ATP2C2: variants seen among roughly 807,000 people sequenced by gnomAD.
ATP2C2 encodes ATPase secretory pathway Ca2+ transporting 2.
In ATP2C2, 171 loss-of-function variants were observed where a neutral mutation model predicts 110.8. The ratio of observed to expected loss-of-function variants is 1.54; its 90% CI spans 1.36 to 1.75. ATP2C2 has a LOEUF of 1.75. Ranked by LOEUF, ATP2C2 falls within the 40% of genes most tolerant of loss-of-function variation. The probability of loss-of-function intolerance (pLI) is 0.00; values close to 1 mark genes in which losing one functional copy is unlikely to be tolerated. For missense variants in ATP2C2, 1,963 were observed against 1,235.0 expected (o/e 1.59, Z -8.84); for synonymous variants, 804 against 508.4 (o/e 1.58, Z -7.82).
At position 84,368,590 on chromosome 16, in the gene ATP2C2, G is replaced by C; in HGVS notation, c.-26G>C. ...CGGGCCTCGCCGGGGACCTAGGGAC[G>C]CAGGCAACGCCTGCGCCCGCTCACC... On this transcript the variant is annotated 5_prime_UTR_variant, in exon 1 of 27. Transcript: ENST00000262429. 6.6e-7 allele frequency: 1 copy of C among 1,523,102 alleles called. No homozygotes were observed. The highest frequency in any genetic ancestry group is 8.9e-7 in the Non-Finnish European group (1 of 1,127,020). 94.3% of individuals were successfully genotyped at this position (1,523,102 alleles called of 1,614,324 possible).
At chr16:84,462,303 G>T (rs1250905065) in intron 26 of ATP2C2, 174 bp downstream of exon 26, 2 of 809,148 alleles carry the variant, frequency 2.5e-6, no homozygotes, top group Non-Finnish European at 3.8e-6. Flanking sequence ...TCTAACGTGG[G>T]TGATGTGACG....
At position 84,397,655 on chromosome 16, in the gene ATP2C2, C is replaced by CAAAAAAAAAAAAAAAAAAAAAAAA. The variant is rs58934576; in HGVS notation, c.100-826_100-825insAAAAAAAAAAAAAAAAAAAAAAAA. Among the ~76,000 whole-genome samples the CAAAAAAAAAAAAAAAAAAAAAAAA allele has an allele frequency of 5.6e-3, 354 of 63,482 alleles. 58 individuals are homozygous for CAAAAAAAAAAAAAAAAAAAAAAAA. Among genetic ancestry groups the CAAAAAAAAAAAAAAAAAAAAAAAA allele is most frequent in the Non-Finnish European group, 8.9e-3 (253 of 28,354 alleles). 41.6% of individuals were successfully genotyped at this position (63,482 alleles called of 152,430 possible). A position where few individuals can be genotyped will look rare whatever the true frequency, so the allele number is the denominator to read the frequency against. On this transcript the variant is annotated intron_variant, in intron 1 of 26. Coordinates refer to ENST00000262429, the MANE Select transcript of ATP2C2 (RefSeq NM_014861.4). ...CACCACTGCACTCCAGCCTGGGTGA[C>CAAAAAAAAAAAAAAAAAAAAAAAA]AAAAAAAAAAAAAAAAAACTTGCTT...
intron 15 of ATP2C2, among the ~76,000 whole-genome samples, chr16:84,442,899 G>A (rs914427762): frequency 6.6e-6 from 1 of 152,140 alleles, no homozygotes; most frequent in Admixed American, 6.5e-5. Flanking sequence ...ACAGTGGAAC[G>A]AGACTCCCTA....
chr16:84,462,361 G>T, intron 26 of ATP2C2: 1 of 520,048 alleles, frequency 1.9e-6, no homozygotes, highest in Non-Finnish European at 3.3e-6. Context: ...AGAGTAGTAG[G>T]GTCTGGGGCC....
At chr16:84,445,421 G>C (rs563965858) in intron 15 of ATP2C2, among the ~76,000 whole-genome samples, 1 of 151,986 alleles carries the variant, frequency 6.6e-6, no homozygotes, top group South Asian at 2.1e-4. Context: ...TGTTAGTCAG[G>C]ATGGTCTTGA....
intron 1 of ATP2C2, among the ~76,000 whole-genome samples, chr16:84,383,014 G>C (rs1343781866): frequency 6.6e-6 from 1 of 151,972 alleles, no homozygotes; most frequent in Non-Finnish European, 1.5e-5. Flanking sequence ...AGAGTCTACA[G>C]CTGGAGACAG....
intron 10 of ATP2C2, among the ~76,000 whole-genome samples, chr16:84,424,478 A>C (rs1907620449): frequency 2.0e-5 from 3 of 150,826 alleles, no homozygotes; most frequent in African/African-American, 4.9e-5. Context: ...GGGTTTTGTC[A>C]TGTTGGCCAG....
intron 1 of ATP2C2, among the ~76,000 whole-genome samples, chr16:84,395,480 A>G (rs186974789): frequency 6.9e-6 from 1 of 145,150 alleles, no homozygotes; most frequent in Non-Finnish European, 1.5e-5. Flanking sequence ...TTTTTTTGAG[A>G]CAGAGTCTCA....
intron 6 of ATP2C2, among the ~76,000 whole-genome samples, chr16:84,411,552 C>G (rs1906292201): frequency 6.6e-6 from 1 of 152,284 alleles, no homozygotes; most frequent in East Asian, 1.9e-4. Context: ...AGCAGTTCTC[C>G]TGCCTCAGCC....
intron 2 of ATP2C2, among the ~76,000 whole-genome samples, chr16:84,402,826 C>G (rs184855577): frequency 6.6e-6 from 1 of 152,236 alleles, no homozygotes; most frequent in East Asian, 1.9e-4. Flanking sequence ...GTATTCCCTA[C>G]TCATCTGTTT....
intron 1 of ATP2C2, among the ~76,000 whole-genome samples, chr16:84,375,921 G>A (rs2151395245): frequency 6.6e-6 from 1 of 152,176 alleles, no homozygotes; most frequent in South Asian, 2.1e-4. Flanking sequence ...AAGGATTGTG[G>A]GTTTTTAGGT....
chr16:84,410,133 CG>C (rs936945949), intron 4 of ATP2C2, among the ~76,000 whole-genome samples: 1 of 152,080 alleles, frequency 6.6e-6, no homozygotes, highest in Non-Finnish European at 1.5e-5. Context: ...CGCTTGAAAC[CG>C]GGAGGCGGAG....
intron 1 of ATP2C2, among the ~76,000 whole-genome samples, chr16:84,385,134 G>T (rs934272637): frequency 6.6e-5 from 10 of 152,280 alleles, no homozygotes; most frequent in Admixed American, 3.9e-4. Flanking sequence ...GGTTCTGCAG[G>T]CTGTACAGGA....
At position 84,451,987 on chromosome 16, in the gene ATP2C2, A is replaced by AC. The variant is rs771595842; in HGVS notation, c.1733dup (p.Arg579GlufsTer132). On this transcript the variant is annotated frameshift_variant, in exon 18 of 27. Transcript: ENST00000262429. LOFTEE classifies it high-confidence loss of function. ...TTTCTCGGTCTTGTGGGCATCATTG[A>AC]CCCCCCGAGAGTTGGCGTGAAGGAA... 12 of 1,612,956 alleles carry AC rather than the reference A, an allele frequency of 7.4e-6. No individual in the cohort carries two copies. The highest frequency in any genetic ancestry group is 2.2e-5 in the East Asian group (1 of 44,826).
At position 84,459,395 on chromosome 16, in the gene ATP2C2, G is replaced by T. The variant is rs112183850; in HGVS notation, c.2333+9G>T. Reference sequence around the variant, plus strand: ...GGGCCACCGGCGCAGAGGTGAGGCAGGGCCGGCTGGGAGCCCTGTGTCTCT... The same window carrying T: ...GGGCCACCGGCGCAGAGGTGAGGCATGGCCGGCTGGGAGCCCTGTGTCTCT... On this transcript the variant is annotated intron_variant, in intron 23 of 26. Coordinates refer to ENST00000262429, the MANE Select transcript of ATP2C2 (RefSeq NM_014861.4). 1,760 of 1,612,918 alleles carry T rather than the reference G, an allele frequency of 1.1e-3. 19 individuals are homozygous for T. The African/African-American group carries it at 0.02, about 18-fold the overall frequency.
At chr16:84,391,801 C>T (rs1201514987) in intron 1 of ATP2C2, among the ~76,000 whole-genome samples, 1 of 152,092 alleles carries the variant, frequency 6.6e-6, no homozygotes, top group Admixed American at 6.6e-5. Flanking sequence ...TTGTTACAGC[C>T]GTGGAGACCA....
At position 84,413,121 on chromosome 16, in the gene ATP2C2, T is replaced by A. The variant is rs556117464; in HGVS notation, c.515+2356T>A. Among the ~76,000 whole-genome samples the A allele has an allele frequency of 1.1e-3, 161 of 149,814 alleles. 1 individual carries two copies. The highest frequency in any genetic ancestry group is 3.8e-3 in the African/African-American group (156 of 40,672). ...CTCAAAAAAAAAAAAAAAAAGTATCTCATGGTCTGGGGTGTCTGGGAACAA... is the reference window on the plus strand; with the variant it reads ...CTCAAAAAAAAAAAAAAAAAGTATCACATGGTCTGGGGTGTCTGGGAACAA... On this transcript the variant is annotated intron_variant, in intron 6 of 26. Coordinates refer to ENST00000262429, the MANE Select transcript of ATP2C2 (RefSeq NM_014861.4).
At chr16:84,406,142 G>A (rs1331061449) in intron 3 of ATP2C2, among the ~76,000 whole-genome samples, 1 of 152,242 alleles carries the variant, frequency 6.6e-6, no homozygotes, top group African/African-American at 2.4e-5. Flanking sequence ...TGCACCCAGA[G>A]CCCCTTCCCT....
chr16:84,419,943 GA>G (rs1387547775), intron 7 of ATP2C2, among the ~76,000 whole-genome samples: 1 of 152,172 alleles, frequency 6.6e-6, no homozygotes, highest in Admixed American at 6.5e-5. Context: ...GGGCTTCCTG[GA>G]GATAGCAGCT....
Sources: allele counts gnomAD v4.1 joint callset (sites outside exome capture counted in the v4.1 genomes callset), GRCh38; gene constraint gnomAD v4.1.1; transcripts MANE v1.5; gene names NCBI Gene and HGNC (gene_info 2026-07-23, HGNC 2026-07-21).